The following PRKCA variants were observed in gnomAD, a reference collection of about 807,000 sequenced individuals.
PRKCA encodes the protein protein kinase C alpha type.
A neutral mutation model predicts 87.0 loss-of-function variants in PRKCA; 27 were observed. The observed-to-expected ratio is 0.31, with a 90% CI of 0.23 to 0.43. The LOEUF is 0.43. Ranked by LOEUF, PRKCA falls within the 20% of genes least tolerant of loss-of-function variation. The pLI is 1.00. For missense variants in PRKCA, 518 were observed against 852.3 expected (o/e 0.61, Z 4.88); for synonymous variants, 329 against 311.1 (o/e 1.06, Z -0.61).
At chr17:66,460,619 C>A (rs1481195949) in intron 2 of PRKCA, among the ~76,000 whole-genome samples, 1 of 152,180 alleles carries the variant, frequency 6.6e-6, no homozygotes, top group Admixed American at 6.5e-5. Context: ...CTTGTCTTGC[C>A]CTCCTAGTTG....
rs140466946 is a variant in PRKCA, at chr17:66,658,660, T to G, written c.529+13149T>G. On this transcript the variant is annotated intron_variant, in intron 5 of 16. Coordinates refer to ENST00000413366, the MANE Select transcript of PRKCA (RefSeq NM_002737.3). Reference sequence around the variant, plus strand: ...GACTTTGAAGTCAGGTAGACTGGATTTGAATCCCAACTATAGCACTAATTA... The same window carrying G: ...GACTTTGAAGTCAGGTAGACTGGATGTGAATCCCAACTATAGCACTAATTA... Among the ~76,000 whole-genome samples the G allele has an allele frequency of 2.5e-3, 384 of 152,340 alleles. 2 individuals carry two copies. The highest frequency in any genetic ancestry group is 5.1e-3 in the Admixed American group (78 of 15,304).
rs775370994 is a variant in PRKCA at position 66,433,732 on chromosome 17, A to G, written c.206-62469A>G. On this transcript the variant is annotated intron_variant, in intron 2 of 16. Coordinates refer to ENST00000413366, the MANE Select transcript of PRKCA (RefSeq NM_002737.3). ...GCCCATTTTTTATATTTTAGTAGAG[A>G]CTGGGTTTCACCATGTTGCCCACGC... 3.5e-4 allele frequency among the ~76,000 whole-genome samples: 53 copies of G among 152,042 alleles called. 1 individual carries two copies. The highest frequency in any genetic ancestry group is 4.4e-4 in the Non-Finnish European group (30 of 67,988).
At chr17:66,560,490 G>A (rs996567158) in intron 3 of PRKCA, among the ~76,000 whole-genome samples, 5 of 152,090 alleles carry the variant, frequency 3.3e-5, no homozygotes, top group Admixed American at 6.5e-5. Flanking sequence ...GGGTTATTCC[G>A]AGTTGCGAAG....
chr17:66,733,707 G>T (rs556535291), intron 9 of PRKCA, among the ~76,000 whole-genome samples: 71 of 152,306 alleles, frequency 4.7e-4, no homozygotes, highest in Non-Finnish European at 8.7e-4. Flanking sequence ...CAGGAGAATC[G>T]CTGGAACCTG....
intron 2 of PRKCA, among the ~76,000 whole-genome samples, chr17:66,376,085 A>G (rs1253166824): frequency 6.6e-6 from 1 of 152,172 alleles, no homozygotes; most frequent in Non-Finnish European, 1.5e-5. Context: ...CTTGGAGTGT[A>G]GTCCCTGGGC....
At chr17:66,748,683 G>A (rs1974356678) in intron 13 of PRKCA, among the ~76,000 whole-genome samples, 1 of 152,132 alleles carries the variant, frequency 6.6e-6, no homozygotes, top group Non-Finnish European at 1.5e-5. Context: ...CGCAGCAGGA[G>A]GACCTTCCTT....
chr17:66,684,179 T>C (rs977696633), intron 5 of PRKCA, among the ~76,000 whole-genome samples: 6 of 152,266 alleles, frequency 3.9e-5, no homozygotes, highest in African/African-American at 1.4e-4. Context: ...TCTAAGATTG[T>C]TCTCCACCAG....
chr17:66,495,530 T>TTATTTTATTTTATTTTATTTTATTC (rs1249998628), intron 2 of PRKCA, among the ~76,000 whole-genome samples: 2 of 147,312 alleles, frequency 1.4e-5, no homozygotes, highest in African/African-American at 5.1e-5. Context: ...GCAAAGTATT[T>TTATTTTATTTTATTTTATTTTATTC]TATTTTATTT....
chr17:66,543,700 CAG>C (rs1968058874), intron 3 of PRKCA, among the ~76,000 whole-genome samples: 1 of 152,100 alleles, frequency 6.6e-6, no homozygotes, highest in Admixed American at 6.6e-5. Context: ...GTGGTGAAGA[CAG>C]AATTGAACAT....
At chr17:66,660,125 A>C (rs944310586) in intron 5 of PRKCA, among the ~76,000 whole-genome samples, 9 of 152,238 alleles carry the variant, frequency 5.9e-5, no homozygotes, top group Admixed American at 5.2e-4. Flanking sequence ...TCAACAAAAA[A>C]AAAAACAATG....
Position 66,344,212 on chromosome 17 carries a change from G to A in PRKCA, c.205+38085G>A, listed in dbSNP as rs934644355. ...AGAAGGGAGTTTGAAGTGCTCCTAG[G>A]AGCCATTTTCCCAGCATGGTCTTTT... On this transcript the variant is annotated intron_variant, in intron 2 of 16. Transcript: ENST00000413366. Among the ~76,000 whole-genome samples, 12 of 152,244 alleles carry A rather than the reference G, an allele frequency of 7.9e-5. No individual in the cohort carries two copies. The East Asian group carries it at 2.1e-3, about 27-fold the overall frequency.
intron 2 of PRKCA, among the ~76,000 whole-genome samples, chr17:66,348,726 C>T (rs985868430): frequency 7.9e-5 from 12 of 152,142 alleles, no homozygotes; most frequent in African/African-American, 2.9e-4. Flanking sequence ...CTTTCAGCCT[C>T]TTAGAGCAGG....
intron 2 of PRKCA, among the ~76,000 whole-genome samples, chr17:66,351,128 G>A (rs1907718529): frequency 6.6e-6 from 1 of 152,232 alleles, no homozygotes; most frequent in African/African-American, 2.4e-5. Flanking sequence ...GTGGTGCTGA[G>A]CTTGGTATGT....
At chr17:66,328,770 C>T (rs1370650027) in intron 2 of PRKCA, among the ~76,000 whole-genome samples, 1 of 152,120 alleles carries the variant, frequency 6.6e-6, no homozygotes, top group Admixed American at 6.5e-5. Context: ...TGCACTCTAG[C>T]CTGGGTGACA....
intron 16 of PRKCA, among the ~76,000 whole-genome samples, chr17:66,801,773 G>A (rs954009768): frequency 5.3e-5 from 8 of 152,204 alleles, no homozygotes; most frequent in African/African-American, 1.9e-4. Context: ...TAAGCCTCAT[G>A]TCTGTATGGC....
At chr17:66,459,786 CGTAA>C (rs931199628) in intron 2 of PRKCA, among the ~76,000 whole-genome samples, 73 of 152,222 alleles carry the variant, frequency 4.8e-4, no homozygotes, top group Admixed American at 3.9e-3. Context: ...TCGTTCAGTG[CGTAA>C]GTATCACTCT....
chr17:66,764,582 G>T (rs1457023341), intron 13 of PRKCA, among the ~76,000 whole-genome samples: 1 of 152,226 alleles, frequency 6.6e-6, no homozygotes, highest in Non-Finnish European at 1.5e-5. Flanking sequence ...GTTGGCTCTT[G>T]TAAGTATAAT....
At chr17:66,438,706 C>A (rs550615946) in intron 2 of PRKCA, among the ~76,000 whole-genome samples, 2 of 152,150 alleles carry the variant, frequency 1.3e-5, no homozygotes, top group Non-Finnish European at 2.9e-5. Flanking sequence ...AGGAAACTCA[C>A]AATCATGGTG....
intron 3 of PRKCA, among the ~76,000 whole-genome samples, chr17:66,557,810 T>C (rs1394452082): frequency 6.6e-6 from 1 of 152,170 alleles, no homozygotes; most frequent in East Asian, 1.9e-4. Context: ...TCTGGGCAGA[T>C]TTTCTACAGG....
Sources: allele counts gnomAD v4.1 joint callset (sites outside exome capture counted in the v4.1 genomes callset), GRCh38; gene constraint gnomAD v4.1.1; transcripts MANE v1.5; gene names NCBI Gene and HGNC (gene_info 2026-07-23, HGNC 2026-07-21).